The following SETDB1 variants were observed in gnomAD, a reference collection of about 807,000 sequenced individuals.
SETDB1 encodes SET domain bifurcated histone lysine methyltransferase 1, also known as histone-lysine N-methyltransferase SETDB1.
Under a neutral mutation model 137.4 loss-of-function variants are expected in SETDB1, and 31 were observed. The observed-to-expected ratio is 0.23, with a 90% CI of 0.17 to 0.30. The LOEUF is 0.30. SETDB1 is among the 10% of genes least tolerant of loss of function. SETDB1 has a pLI of 1.00. For synonymous variants in SETDB1, 548 were observed against 579.9 expected (o/e 0.95, Z 0.79); for missense variants, 1,113 against 1,631.5 (o/e 0.68, Z 5.47).
At chr1:150,927,518 G>C (rs1669569163) in intron 1 of SETDB1, among the ~76,000 whole-genome samples, 186 bp from the exon 2 acceptor site, 2 of 152,182 alleles carry the variant, frequency 1.3e-5, no homozygotes, top group Non-Finnish European at 2.9e-5. Flanking sequence ...TTAGCGTACA[G>C]CAGAAGATAA....
At position 150,928,231 on chromosome 1, in the gene SETDB1, A is replaced by G. The variant is rs149065095; in HGVS notation, c.260+257A>G. The G allele has an allele frequency of 4.6e-4, 211 of 456,368 alleles. 2 individuals carry two copies. In the East Asian group the frequency reaches 8.4e-3, roughly 18 times the overall value. The allele number at this position is 456,368 out of a possible 1,614,324, so 28.3% of individuals were successfully genotyped here. A position where few individuals can be genotyped will look rare whatever the true frequency, so the allele number is the denominator to read the frequency against. On this transcript the variant is annotated intron_variant, in intron 2 of 21. Transcript: ENST00000692827. Reference sequence around the variant, plus strand: ...CGCCACCACACCCAGCTAATTTTTTATATTTTTAGTAGAGACAGGGTTTCA... The same window carrying G: ...CGCCACCACACCCAGCTAATTTTTTGTATTTTTAGTAGAGACAGGGTTTCA...
chr1:150,963,382 A>C lies in SETDB1; in HGVS notation c.3461-148A>C, dbSNP rs191769729. The C allele has an allele frequency of 4.2e-3, 3,491 of 834,154 alleles. 13 individuals are homozygous for C. Among genetic ancestry groups the C allele is most frequent in the Admixed American group, 6.1e-3 (254 of 41,498 alleles). 51.7% of individuals were successfully genotyped at this position (834,154 alleles called of 1,614,324 possible). A position where few individuals can be genotyped will look rare whatever the true frequency, so the allele number is the denominator to read the frequency against. On this transcript the variant is annotated intron_variant, in intron 19 of 21. Transcript: ENST00000692827. ...AGATCTAATTATGCTTGAAAAAAAA[A>C]CCTGCTACTTAGGATCTTTGAGTTC... is the stretch of plus-strand genomic sequence containing the variant.
At chr1:150,956,617 G>A (rs1429536834) in intron 14 of SETDB1, among the ~76,000 whole-genome samples, 1 of 152,164 alleles carries the variant, frequency 6.6e-6, no homozygotes, top group African/African-American at 2.4e-5. Flanking sequence ...ATCTGGTGCA[G>A]GTTACATGGT....
At chr1:150,947,306 C>T (rs778854305) in intron 10 of SETDB1, among the ~76,000 whole-genome samples, 6 of 151,972 alleles carry the variant, frequency 3.9e-5, no homozygotes, top group Admixed American at 2.6e-4. Context: ...TGTGTGTTAT[C>T]TATGGTTAGT....
chr1:150,961,140 C>T lies in SETDB1; in HGVS notation c.3081C>T (p.Thr1027=). ...GAATGGAGGCTGAGAAGGCCTCCAC[C>T]TCAGGACTAGGCATCAAGGATGAGG... The part of the protein sequence containing the change: ...GSRMEAEKAS[T]SGLGIKDEGD... Residue 1027 remains threonine, a synonymous_variant, in exon 16 of 22, where the codon ACC becomes ACT. Transcript: ENST00000692827. 1.9e-6 allele frequency: 3 copies of T among 1,614,006 alleles called. No individual in the cohort carries two copies. Among genetic ancestry groups the T allele is most frequent in the Middle Eastern group, 3.3e-4 (2 of 6,000 alleles).
At chr1:150,963,440 G>A in intron 19 of SETDB1, 90 bp from the exon 20 acceptor site, 2 of 1,111,452 alleles carry the variant, frequency 1.8e-6, no homozygotes, top group Non-Finnish European at 2.6e-6. Flanking sequence ...TGCAATGTTG[G>A]GAGAGAAATA....
At chr1:150,926,596 G>A (rs1571616014) in intron 1 of SETDB1, 79 bp downstream of exon 1, 2 of 411,366 alleles carry the variant, frequency 4.9e-6, no homozygotes, top group East Asian at 1.4e-4. Context: ...GGTCGGGCGA[G>A]GGTGGGAAGG....
intron 3 of SETDB1, among the ~76,000 whole-genome samples, chr1:150,932,943 T>C (rs959021449): frequency 6.6e-5 from 10 of 152,344 alleles, no homozygotes; most frequent in Non-Finnish European, 1.3e-4. Context: ...TTGTGGTTGT[T>C]TGATTTCTAA....
chr1:150,947,032 T>C lies in SETDB1; in HGVS notation c.1267+20T>C, dbSNP rs1670352717. On this transcript the variant is annotated intron_variant, in intron 10 of 21. Coordinates refer to ENST00000692827, the MANE Select transcript of SETDB1 (RefSeq NM_001366418.1). ...ATATGGGTATGTCCTGAAAGATTCC[T>C]GGAGGAAGGAAGAAACAGGCCAACC... 1 of 1,613,172 alleles carries C rather than the reference T, an allele frequency of 6.2e-7. No homozygotes were observed. Among genetic ancestry groups the C allele is most frequent in the Non-Finnish European group, 8.5e-7 (1 of 1,179,362 alleles).
At chr1:150,963,891 T>C in intron 20 of SETDB1, 104 bp from the exon 21 acceptor site, 1 of 1,283,720 alleles carries the variant, frequency 7.8e-7, no homozygotes, top group Non-Finnish European at 1.1e-6. Context: ...TCTATTATAA[T>C]GGGGAGGGTC....
intron 14 of SETDB1, among the ~76,000 whole-genome samples, chr1:150,953,722 G>A (rs1043284845): frequency 6.6e-6 from 1 of 151,958 alleles, no homozygotes; most frequent in African/African-American, 2.4e-5. Flanking sequence ...TCAGCTATTT[G>A]GGAGGCTGAG....
At chr1:150,957,190 A>G (rs975568708) in intron 14 of SETDB1, among the ~76,000 whole-genome samples, 1 of 151,950 alleles carries the variant, frequency 6.6e-6, no homozygotes, top group African/African-American at 2.4e-5. Context: ...CCTGGCCAAC[A>G]TGGTAAAACC....
intron 17 of SETDB1, 87 bp downstream of exon 17, chr1:150,962,245 T>C (rs1368125906): frequency 1.5e-5 from 18 of 1,181,470 alleles, no homozygotes; most frequent in Admixed American, 5.1e-5. Context: ...CTCAGCTCAT[T>C]GCAACCTCCC....
In SETDB1 at chr1:150,927,770, C is replaced by A. The variant is rs200557606; in HGVS notation, c.56C>A (p.Ser19Tyr). 6.2e-7 allele frequency: 1 copy of A among 1,614,156 alleles called. No homozygotes were observed. Among genetic ancestry groups the A allele is most frequent in the Non-Finnish European group, 8.5e-7 (1 of 1,180,012 alleles). ...GATGCAGCAACAGCTACAGTGGAGT[C>A]TGAAGAGATTGCAGAGCTGCAACAG... ...GLDAATATVESEEIAELQQAV... is the reference protein window; with the variant it reads ...GLDAATATVEYEEIAELQQAV... The change falls in exon 2 of 22, where the codon TCT becomes TAT. Residue 19 changes from serine (S) to tyrosine (Y), a missense_variant. By Grantham distance (144) the Ser-to-Tyr change is moderately radical. Transcript: ENST00000692827.
At chr1:150,951,175 C>A (rs1670481344) in intron 13 of SETDB1, 85 bp downstream of exon 13, 2 of 1,413,800 alleles carry the variant, frequency 1.4e-6, no homozygotes, top group Non-Finnish European at 1.9e-6. Context: ...TGTATCTGTA[C>A]TGCTTTCCCC....
In SETDB1 at chr1:150,964,423, C is replaced by G; in HGVS notation, c.*59C>G. 7.8e-7 allele frequency: 1 copy of G among 1,278,540 alleles called. No homozygotes were observed. The highest frequency in any genetic ancestry group is 1.1e-6 in the Non-Finnish European group (1 of 885,748). The allele number at this position is 1,278,540 out of a possible 1,614,324, so 79.2% of individuals were successfully genotyped here. A position where few individuals can be genotyped will look rare whatever the true frequency, so the allele number is the denominator to read the frequency against. On this transcript the variant is annotated 3_prime_UTR_variant, in exon 22 of 22. Coordinates refer to ENST00000692827, the MANE Select transcript of SETDB1 (RefSeq NM_001366418.1). ...TCGTTTCCTCAGGAACTGGGTCTTC[C>G]TGATTGTTGAACCCTGACCCGAAGT...
intron 18 of SETDB1, 28 bp from the exon 19 acceptor site, chr1:150,962,946 C>T: frequency 6.2e-7 from 1 of 1,608,540 alleles, no homozygotes; most frequent in East Asian, 2.2e-5. Context: ...ATTTACTTCT[C>T]TTACTTCTTA....
chr1:150,933,498 TC>T (rs1669832499), intron 3 of SETDB1, among the ~76,000 whole-genome samples: 1 of 151,682 alleles, frequency 6.6e-6, no homozygotes, highest in African/African-American at 2.4e-5. Flanking sequence ...TGTCTCAGCT[TC>T]CTGAGTAGCT....
At chr1:150,961,313 C>A in intron 16 of SETDB1, 122 bp downstream of exon 16, 1 of 1,013,552 alleles carries the variant, frequency 9.9e-7, no homozygotes, top group Non-Finnish European at 1.5e-6. Context: ...GTGGCCACCT[C>A]GTTATCTCTC....
Sources: allele counts gnomAD v4.1 joint callset (sites outside exome capture counted in the v4.1 genomes callset), GRCh38; gene constraint gnomAD v4.1.1; transcripts MANE v1.5; gene names NCBI Gene and HGNC (gene_info 2026-07-23, HGNC 2026-07-21).